PRDM1: variants seen among roughly 807,000 people sequenced by gnomAD.
PRDM1 encodes PR domain zinc finger protein 1.
Under a neutral mutation model 62.8 loss-of-function variants are expected in PRDM1, and 13 were observed. The observed-to-expected ratio is 0.21, with a 90% CI of 0.13 to 0.33. The LOEUF is 0.33. PRDM1 is among the 10% of genes least tolerant of loss of function. PRDM1 has a pLI of 1.00. For synonymous variants in PRDM1, 396 were observed against 417.6 expected (o/e 0.95, Z 0.63); for missense variants, 895 against 1,058.8 (o/e 0.85, Z 2.15).
chr6:106,027,433 A>G (rs1343597183), intron 1 of PRDM1, among the ~76,000 whole-genome samples: 1 of 152,232 alleles, frequency 6.6e-6, no homozygotes, highest in Non-Finnish European at 1.5e-5. Context: ...CACATGAAAC[A>G]ACTGTATACG....
chr6:106,022,129 A>G (rs1772703669), intron 1 of PRDM1, among the ~76,000 whole-genome samples: 2 of 152,252 alleles, frequency 1.3e-5, no homozygotes, highest in African/African-American at 2.4e-5. Context: ...ACATAATGGT[A>G]CTTCCATTGA....
chr6:106,027,349 A>G (rs1416535461), intron 1 of PRDM1, among the ~76,000 whole-genome samples: 1 of 152,246 alleles, frequency 6.6e-6, no homozygotes, highest in East Asian at 1.9e-4. Context: ...TTTTGTAGAA[A>G]GAAGGGGGGA....
At chr6:106,091,189 C>T (rs1053078672) in intron 2 of PRDM1, among the ~76,000 whole-genome samples, 6 of 149,490 alleles carry the variant, frequency 4.0e-5, no homozygotes, top group Admixed American at 6.7e-5. Flanking sequence ...TTTCTGCCGT[C>T]GGTTGAGACT....
chr6:106,009,104 G>T (rs1309160803), intron 1 of PRDM1, among the ~76,000 whole-genome samples: 1 of 152,124 alleles, frequency 6.6e-6, no homozygotes. Flanking sequence ...TAGCGCTCTT[G>T]CCTCCCTAGA....
At chr6:106,065,825 C>A (rs1008060495) in intron 1 of PRDM1, among the ~76,000 whole-genome samples, 1 of 152,186 alleles carries the variant, frequency 6.6e-6, no homozygotes, top group Non-Finnish European at 1.5e-5. Flanking sequence ...GCCCCATAAT[C>A]CTAATGGATT....
Position 106,099,868 on chromosome 6 carries a change from T to C in PRDM1, c.664+316T>C, listed in dbSNP as rs556925478. ...AGAATTACAGGGATTGGTCCAGACA[T>C]GCTGCGTATGCAAGGTATAGCCCTC... is the stretch of plus-strand genomic sequence containing the variant. On this transcript the variant is annotated intron_variant, in intron 4 of 6. Transcript: ENST00000369096. Among the ~76,000 whole-genome samples, 22 of 152,346 alleles carry C rather than the reference T, an allele frequency of 1.4e-4. 1 individual carries two copies. Among genetic ancestry groups the C allele is most frequent in the Middle Eastern group, 6.8e-3 (2 of 294 alleles).
upstream of PRDM1, among the ~76,000 whole-genome samples, chr6:106,082,583 C>A (rs547147048): frequency 1.3e-5 from 2 of 152,270 alleles, no homozygotes; most frequent in Admixed American, 6.5e-5. Flanking sequence ...TCTATAAATA[C>A]TCTGAGACCT....
rs372836043 is a variant in PRDM1, at chr6:106,104,907, C to T, written c.747C>T (p.Ser249=). 26 of 1,613,968 alleles carry T rather than the reference C, an allele frequency of 1.6e-5. No individual in the cohort carries two copies. The highest frequency in any genetic ancestry group is 9.9e-5 in the South Asian group (9 of 91,082). Residue 249 remains serine, a synonymous_variant, in exon 5 of 7, where the codon AGC becomes AGT. Transcript: ENST00000369096. ...AGAATGTCCCAAAGAGAGAGTACAG[C>T]GTGAAAGAAATCCTAAAATTGGACT... ...CPKNVPKREY[S]VKEILKLDSN...
chr6:106,041,989 G>A (rs780026154), intron 1 of PRDM1, among the ~76,000 whole-genome samples: 1 of 150,810 alleles, frequency 6.6e-6, no homozygotes, highest in Non-Finnish European at 1.5e-5. Flanking sequence ...TGATATTTTT[G>A]TAGAGATGGG....
intron 1 of PRDM1, among the ~76,000 whole-genome samples, chr6:106,034,585 A>G (rs1276730598): frequency 6.8e-6 from 1 of 146,802 alleles, no homozygotes; most frequent in East Asian, 2.0e-4. Flanking sequence ...ACTTCATTCC[A>G]TTGTACTCAG....
intron 1 of PRDM1, among the ~76,000 whole-genome samples, chr6:105,995,372 T>C (rs933332685): frequency 2.0e-5 from 3 of 152,240 alleles, no homozygotes; most frequent in African/African-American, 7.2e-5. Flanking sequence ...AAAAGTGTTT[T>C]TTAAAGTTTT....
chr6:106,036,275 A>G (rs370169055), intron 1 of PRDM1, among the ~76,000 whole-genome samples: 38 of 152,056 alleles, frequency 2.5e-4, no homozygotes, highest in African/African-American at 8.2e-4. Flanking sequence ...CAGCCTCCCA[A>G]GTAGCTGGGA....
chr6:106,076,099 G>A (rs1199304971), intron 1 of PRDM1, among the ~76,000 whole-genome samples: 6 of 151,922 alleles, frequency 3.9e-5, no homozygotes, highest in African/African-American at 1.2e-4. Flanking sequence ...CTACAGGTAT[G>A]CGCCACTACA....
chr6:106,102,718 T>C (rs1316389292), intron 4 of PRDM1, among the ~76,000 whole-genome samples: 1 of 152,224 alleles, frequency 6.6e-6, no homozygotes, highest in Non-Finnish European at 1.5e-5. Context: ...TGTTGAATTA[T>C]AGAACCAAGG....
At chr6:106,081,135 C>T (rs1245383506) in intron 1 of PRDM1, among the ~76,000 whole-genome samples, 2 of 152,262 alleles carry the variant, frequency 1.3e-5, no homozygotes, top group East Asian at 1.9e-4. Context: ...CCTCCCTCCC[C>T]TCTCCACCTC....
At chr6:106,067,233 T>C (rs1773447010) in intron 1 of PRDM1, among the ~76,000 whole-genome samples, 1 of 152,220 alleles carries the variant, frequency 6.6e-6, no homozygotes. Context: ...TTTTTCAATA[T>C]TATAAACAGT....
chr6:106,100,167 C>G (rs1774228959), intron 4 of PRDM1: 1 of 152,218 alleles, frequency 6.6e-6, no homozygotes. Context: ...GGTTTATGTG[C>G]TTTTACTTCT....
intron 1 of PRDM1, among the ~76,000 whole-genome samples, chr6:106,073,012 G>A (rs1364301259): frequency 1.3e-5 from 2 of 151,986 alleles, no homozygotes; most frequent in Non-Finnish European, 2.9e-5. Flanking sequence ...ATTAACAGGA[G>A]ACAAATGTCC....
intron 1 of PRDM1, among the ~76,000 whole-genome samples, chr6:106,012,277 C>T (rs765094455): frequency 6.7e-6 from 1 of 148,774 alleles, no homozygotes; most frequent in Non-Finnish European, 1.5e-5. Flanking sequence ...CACATTCACA[C>T]ACACCACTCA....
Sources: allele counts gnomAD v4.1 joint callset (sites outside exome capture counted in the v4.1 genomes callset), GRCh38; gene constraint gnomAD v4.1.1; transcripts MANE v1.5; gene names NCBI Gene and HGNC (gene_info 2026-07-23, HGNC 2026-07-21).